ENTPD1: variants seen among roughly 807,000 people sequenced by gnomAD.
ENTPD1 encodes the protein ectonucleoside triphosphate diphosphohydrolase 1.
Under a neutral mutation model 57.0 loss-of-function variants are expected in ENTPD1, and 33 were observed. That is an observed-to-expected ratio of 0.58 (90% CI 0.44 to 0.77). The LOEUF is 0.77. ENTPD1 is among the 30% of genes least tolerant of loss of function. The pLI is 0.00. For missense variants in ENTPD1, 501 were observed against 603.4 expected (o/e 0.83, Z 1.78); for synonymous variants, 202 against 218.8 (o/e 0.92, Z 0.68).
At chr10:95,755,520 T>TA, upstream of ENTPD1, 1 of 609,326 alleles carries the variant, frequency 1.6e-6, no homozygotes, top group South Asian at 2.1e-5. Context: ...AAGTCAAAGT[T>TA]GGGAAATGGT....
intron 1 of ENTPD1, among the ~76,000 whole-genome samples, chr10:95,798,167 A>G (rs1282882395): frequency 6.6e-6 from 1 of 152,186 alleles, no homozygotes; most frequent in Non-Finnish European, 1.5e-5. Flanking sequence ...GTCAAATGTC[A>G]GATTGCACAA....
At chr10:95,774,680 A>G (rs1383702819) in intron 1 of ENTPD1, among the ~76,000 whole-genome samples, 2 of 152,040 alleles carry the variant, frequency 1.3e-5, no homozygotes, top group South Asian at 2.1e-4. Context: ...GTTGTGTTCC[A>G]CTGGTCTATC....
intron 7 of ENTPD1, among the ~76,000 whole-genome samples, chr10:95,852,889 G>A (rs1282913088): frequency 6.6e-6 from 1 of 152,058 alleles, no homozygotes. Context: ...TGTTCTTTTG[G>A]CTTAGGATTG....
At chr10:95,778,848 T>C (rs745765688) in intron 1 of ENTPD1, among the ~76,000 whole-genome samples, 26 of 152,218 alleles carry the variant, frequency 1.7e-4, no homozygotes, top group Non-Finnish European at 3.2e-4. Flanking sequence ...CCTTTTCACA[T>C]ATTATCTTAC....
At chr10:95,744,887 A>T (rs1011440999) in intron 1 of ENTPD1, among the ~76,000 whole-genome samples, 16 of 151,858 alleles carry the variant, frequency 1.1e-4, no homozygotes, top group Non-Finnish European at 2.2e-4. Flanking sequence ...TCAATCTGAA[A>T]ATATCCCCTC....
upstream of ENTPD1, chr10:95,756,041 G>C: frequency 1.4e-6 from 2 of 1,476,818 alleles, no homozygotes; most frequent in Non-Finnish European, 1.8e-6. Flanking sequence ...CAGTCAATCT[G>C]TCCTTTCTAG....
At position 95,871,557 on chromosome 10, in the gene ENTPD1, A is replaced by G; in HGVS notation, c.*5174A>G. 1.0e-6 allele frequency: 1 copy of G among 985,468 alleles called. No individual in the cohort carries two copies. Among genetic ancestry groups the G allele is most frequent in the Non-Finnish European group, 1.2e-6 (1 of 829,932 alleles). 61.0% of individuals were successfully genotyped at this position (985,468 alleles called of 1,614,324 possible). ...AACTGAACACAATCAGTTTTATCACAGGTATAATGGATTTTTCAATAGTGA... is the reference window on the plus strand; with the variant it reads ...AACTGAACACAATCAGTTTTATCACGGGTATAATGGATTTTTCAATAGTGA... On this transcript the variant is annotated 3_prime_UTR_variant, in exon 10 of 10. Coordinates refer to ENST00000371205, the MANE Select transcript of ENTPD1 (RefSeq NM_001776.6).
At chr10:95,712,531 G>A (rs945466357) in intron 1 of ENTPD1, among the ~76,000 whole-genome samples, 1 of 152,120 alleles carries the variant, frequency 6.6e-6, no homozygotes, top group African/African-American at 2.4e-5. Context: ...GATTTTAAGT[G>A]GTATACTTTT....
At chr10:95,700,615 G>A in the ENTPD1 span, among the ~76,000 whole-genome samples, 4 of 152,062 alleles carry the variant, frequency 2.6e-5, no homozygotes, top group African/African-American at 9.7e-5. Context: ...TTGCACCCAG[G>A]AAATTGAGGT....
chr10:95,757,946 A>C (rs1414011556), intron 1 of ENTPD1, among the ~76,000 whole-genome samples: 1 of 139,028 alleles, frequency 7.2e-6, no homozygotes, highest in Non-Finnish European at 1.5e-5. Flanking sequence ...CAGAGGTTGC[A>C]GTGAGCTGAG....
chr10:95,712,024 C>CCT, intron 1 of ENTPD1: 1 of 1,613,724 alleles, frequency 6.2e-7, no homozygotes. Context: ...AGGCTCCCGG[C>CCT]CTCTCTCCCT....
intron 1 of ENTPD1, among the ~76,000 whole-genome samples, chr10:95,743,941 A>C (rs1437637276): frequency 1.4e-5 from 2 of 144,794 alleles, no homozygotes; most frequent in East Asian, 4.1e-4. Flanking sequence ...CTGCAGTATC[A>C]TTGCTTATAG....
chr10:95,752,048 G>T (rs1261659183), upstream of ENTPD1, among the ~76,000 whole-genome samples: 1 of 152,124 alleles, frequency 6.6e-6, no homozygotes, highest in Non-Finnish European at 1.5e-5. Context: ...ACATGAGGGG[G>T]GTTCTGGAAA....
chr10:95,777,670 A>C (rs571459835), intron 1 of ENTPD1, among the ~76,000 whole-genome samples: 147 of 152,244 alleles, frequency 9.7e-4, no homozygotes, highest in African/African-American at 3.4e-3. Context: ...TGCTGGGAGA[A>C]CCACTGCTCT....
At position 95,876,725 on chromosome 10, in the gene ENTPD1, G is replaced by C; in HGVS notation, c.*10342G>C. 9.5e-7 allele frequency: 1 copy of C among 1,053,946 alleles called. No homozygotes were observed. 65.3% of individuals were successfully genotyped at this position (1,053,946 alleles called of 1,614,324 possible). A position where few individuals can be genotyped will look rare whatever the true frequency, so the allele number is the denominator to read the frequency against. On this transcript the variant is annotated 3_prime_UTR_variant, in exon 10 of 10. Transcript: ENST00000371205. Reference sequence around the variant, plus strand: ...GAATATTCAAATATTAACCAAAGTAGAAAAATATAATACACATCCATGTGC... The same window carrying C: ...GAATATTCAAATATTAACCAAAGTACAAAAATATAATACACATCCATGTGC...
At position 95,869,200 on chromosome 10, in the gene ENTPD1, A is replaced by G; in HGVS notation, c.*2817A>G. The G allele has an allele frequency of 4.2e-6, 4 of 959,622 alleles. No individual in the cohort carries two copies. Among genetic ancestry groups the G allele is most frequent in the Non-Finnish European group, 4.9e-6 (4 of 813,862 alleles). The allele number at this position is 959,622 out of a possible 1,614,324, so 59.4% of individuals were successfully genotyped here. On this transcript the variant is annotated 3_prime_UTR_variant, in exon 10 of 10. Transcript: ENST00000371205. Reference sequence around the variant, plus strand: ...TTTATAAGGTGGGAGTTTTTTTTCTATGAACCTATAGGGGAGAAAAAAGAT... The same window carrying G: ...TTTATAAGGTGGGAGTTTTTTTTCTGTGAACCTATAGGGGAGAAAAAAGAT...
chr10:95,790,464 G>A (rs1166974955), intron 1 of ENTPD1, among the ~76,000 whole-genome samples: 1 of 152,036 alleles, frequency 6.6e-6, no homozygotes, highest in African/African-American at 2.4e-5. Flanking sequence ...GTTGTTCAAG[G>A]GCTAACTGAA....
In ENTPD1 at chr10:95,871,094, C is replaced by G. The variant is rs1021517504; in HGVS notation, c.*4711C>G. 1 of 985,240 alleles carries G rather than the reference C, an allele frequency of 1.0e-6. No individual in the cohort carries two copies. The highest frequency in any genetic ancestry group is 4.7e-5 in the South Asian group (1 of 21,278). The allele number at this position is 985,240 out of a possible 1,614,324, so 61.0% of individuals were successfully genotyped here. A position where few individuals can be genotyped will look rare whatever the true frequency, so the allele number is the denominator to read the frequency against. Reference sequence around the variant, plus strand: ...GGTCTCCTGTCACTTCTGTCACAGGCTATTGTAAGTCATATGAGCAAGCTC... The same window carrying G: ...GGTCTCCTGTCACTTCTGTCACAGGGTATTGTAAGTCATATGAGCAAGCTC... On this transcript the variant is annotated 3_prime_UTR_variant, in exon 10 of 10. Coordinates refer to ENST00000371205, the MANE Select transcript of ENTPD1 (RefSeq NM_001776.6).
chr10:95,756,363 C>G lies in ENTPD1; in HGVS notation c.16+108C>G, dbSNP rs1174538563. ...ACTTGAAAGCTGGAGGCAAAAAGCC[C>G]TGAATGAACTTTCCCACCCTCTTCC... On this transcript the variant is annotated intron_variant, in intron 1 of 9. Coordinates refer to ENST00000371205, the MANE Select transcript of ENTPD1 (RefSeq NM_001776.6). 1.1e-5 allele frequency: 14 copies of G among 1,244,172 alleles called. No homozygotes were observed. The Middle Eastern group carries it at 5.6e-4, about 50-fold the overall frequency. The allele number at this position is 1,244,172 out of a possible 1,614,324, so 77.1% of individuals were successfully genotyped here.
Sources: gnomAD v4.1 joint callset for allele counts (sites outside exome capture counted in the v4.1 genomes callset) on GRCh38, gnomAD v4.1.1 for gene constraint, MANE v1.5 for transcripts, NCBI Gene and HGNC (gene_info 2026-07-23, HGNC 2026-07-21) for gene names.